Variants in FGF2 observed in about 807,000 individuals in gnomAD.
The protein encoded by FGF2 is fibroblast growth factor 2.
FGF2 carries 13 observed loss-of-function variants against 15.9 expected under a neutral mutation model. That is an observed-to-expected ratio of 0.82 (90% CI 0.53 to 1.30). FGF2 has a LOEUF of 1.30. FGF2 is among the 50% of genes most tolerant of loss of function. FGF2 has a pLI of 0.00. For synonymous variants in FGF2, 90 were observed against 78.4 expected, an observed-to-expected ratio of 1.15 and a Z score of -0.78; for missense variants, 163 against 196.9, an observed-to-expected ratio of 0.83 and a Z score of 1.03.
intron 1 of FGF2, among the ~76,000 whole-genome samples, chr4:122,841,073 G>A (rs188784991): frequency 2.2e-4 from 33 of 152,320 alleles, no homozygotes; most frequent in Admixed American, 4.6e-4. Flanking sequence ...GCCTTCGTGT[G>A]TTAATTTCCA....
At chr4:122,829,101 G>A (rs1725708251) in intron 1 of FGF2, among the ~76,000 whole-genome samples, 1 of 151,672 alleles carries the variant, frequency 6.6e-6, no homozygotes, top group African/African-American at 2.4e-5. Context: ...TGAAGATTTT[G>A]ATACCCGATT....
In FGF2 at chr4:122,893,334, C is replaced by T. The variant is rs1401308744; in HGVS notation, c.*938C>T. 1 of 1,045,458 alleles carries T rather than the reference C, an allele frequency of 9.6e-7. No individual in the cohort carries two copies. The highest frequency in any genetic ancestry group is 1.3e-6 in the Non-Finnish European group (1 of 755,260). 64.8% of individuals were successfully genotyped at this position (1,045,458 alleles called of 1,614,324 possible). ...TTATGTAAAGGCTCAAAACATTACC[C>T]TAACAAAGTAAAGTTTTCAATACAA... On this transcript the variant is annotated 3_prime_UTR_variant, in exon 3 of 3. Transcript: ENST00000644866.
chr4:122,859,764 T>G (rs1726425000), intron 1 of FGF2, among the ~76,000 whole-genome samples: 1 of 152,226 alleles, frequency 6.6e-6, no homozygotes, highest in Admixed American at 6.5e-5. Context: ...AATCCAGGTC[T>G]GACTCCAAAA....
chr4:122,881,099 C>T (rs1385519735), intron 2 of FGF2, among the ~76,000 whole-genome samples: 2 of 152,182 alleles, frequency 1.3e-5, no homozygotes, highest in Admixed American at 1.3e-4. Context: ...GCTGGAGCAG[C>T]TGGGAAGCAA....
At chr4:122,871,781 CAA>C (rs55677162) in intron 1 of FGF2, among the ~76,000 whole-genome samples, 4,897 of 94,236 alleles carry the variant, frequency 0.052, 281 homozygotes, top group African/African-American at 0.15. Context: ...CATTGAAAGA[CAA>C]AAAAAAAAAA....
chr4:122,885,395 T>A (rs540237578), intron 2 of FGF2, among the ~76,000 whole-genome samples: 2 of 152,340 alleles, frequency 1.3e-5, no homozygotes, highest in South Asian at 2.1e-4. Context: ...TATATATGAA[T>A]CATCTGTATT....
Position 122,849,654 on chromosome 4 carries a change from A to G in FGF2, c.178+22302A>G, listed in dbSNP as rs148113170. On this transcript the variant is annotated intron_variant, in intron 1 of 2. Transcript: ENST00000644866. The stretch of plus-strand genomic sequence containing the variant: ...ATGGTGAGCTTAGCTTGGCTAGCAC[A>G]GTGTGGGTAGATACATTTTAAGGTA... 6.5e-4 allele frequency among the ~76,000 whole-genome samples: 99 copies of G among 152,306 alleles called. 1 individual carries two copies. The highest frequency in any genetic ancestry group is 2.3e-3 in the African/African-American group (96 of 41,586).
intron 1 of FGF2, among the ~76,000 whole-genome samples, chr4:122,863,048 A>G (rs1726504168): frequency 6.6e-6 from 1 of 152,288 alleles, no homozygotes; most frequent in East Asian, 1.9e-4. Context: ...AAATACAAAC[A>G]CAGAAAATCA....
intron 1 of FGF2, among the ~76,000 whole-genome samples, chr4:122,852,466 C>G (rs1050247164): frequency 6.6e-6 from 1 of 152,190 alleles, no homozygotes; most frequent in Non-Finnish European, 1.5e-5. Flanking sequence ...AATGTCACAT[C>G]AGTCAACATG....
At chr4:122,867,267 A>G (rs1726620420) in intron 1 of FGF2, among the ~76,000 whole-genome samples, 1 of 152,244 alleles carries the variant, frequency 6.6e-6, no homozygotes, top group African/African-American at 2.4e-5. Flanking sequence ...TGCATGTTTT[A>G]AATGAGTGAA....
chr4:122,874,281 C>T (rs1334628293), intron 1 of FGF2, among the ~76,000 whole-genome samples: 1 of 152,208 alleles, frequency 6.6e-6, no homozygotes, highest in Non-Finnish European at 1.5e-5. Context: ...TTATTTTCTG[C>T]ATTTTCCAAT....
upstream of FGF2, chr4:122,826,728 G>C: frequency 7.9e-7 from 1 of 1,258,830 alleles, no homozygotes; most frequent in Middle Eastern, 3.0e-4. Context: ...AAACCCGAGC[G>C]AGTAGGGGGC....
intron 1 of FGF2, among the ~76,000 whole-genome samples, chr4:122,839,056 G>A (rs1472692067): frequency 6.6e-6 from 1 of 152,124 alleles, no homozygotes; most frequent in Non-Finnish European, 1.5e-5. Flanking sequence ...CAGCCCGGGA[G>A]CAATAAGCTA....
At chr4:122,833,109 C>T (rs1280096764) in intron 1 of FGF2, among the ~76,000 whole-genome samples, 1 of 152,164 alleles carries the variant, frequency 6.6e-6, no homozygotes, top group Non-Finnish European at 1.5e-5. Context: ...GTCACTCTTC[C>T]TGCACAAGGT....
chr4:122,843,267 CG>C (rs1458874542), intron 1 of FGF2, among the ~76,000 whole-genome samples: 1 of 152,054 alleles, frequency 6.6e-6, no homozygotes, highest in Non-Finnish European at 1.5e-5. Flanking sequence ...GCAGACAGGG[CG>C]GGGAAGGGCA....
chr4:122,889,321 C>T (rs1312672399), intron 2 of FGF2, among the ~76,000 whole-genome samples: 2 of 152,076 alleles, frequency 1.3e-5, no homozygotes, highest in African/African-American at 4.8e-5. Flanking sequence ...CCTTAGAAGC[C>T]ACTTTCTTTG....
chr4:122,889,791 G>A (rs754150007), intron 2 of FGF2, among the ~76,000 whole-genome samples: 6 of 151,818 alleles, frequency 4.0e-5, no homozygotes, highest in African/African-American at 4.8e-5. Flanking sequence ...TTAGTCCCTG[G>A]TACTGTTTCT....
intron 1 of FGF2, among the ~76,000 whole-genome samples, chr4:122,856,850 C>T (rs1210197075): frequency 1.3e-5 from 2 of 152,216 alleles, no homozygotes; most frequent in Admixed American, 6.5e-5. Flanking sequence ...GGTGCACTCA[C>T]TCCCTCAGCC....
At chr4:122,855,591 AAC>A (rs2150773598) in intron 1 of FGF2, among the ~76,000 whole-genome samples, 1 of 152,310 alleles carries the variant, frequency 6.6e-6, no homozygotes, top group African/African-American at 2.4e-5. Flanking sequence ...AGGTTGTCTA[AAC>A]CATGGCACTT....
Sources: gnomAD v4.1 joint callset for allele counts (sites outside exome capture counted in the v4.1 genomes callset) on GRCh38, gnomAD v4.1.1 for gene constraint, MANE v1.5 for transcripts, NCBI Gene and HGNC (gene_info 2026-07-23, HGNC 2026-07-21) for gene names.